The following RFTN2 variants were observed in gnomAD, a reference collection of about 807,000 sequenced individuals.
RFTN2 encodes raftlin-2.
In RFTN2, 34 loss-of-function variants were observed where a neutral mutation model predicts 52.7. The ratio of observed to expected loss-of-function variants is 0.64; its 90% CI spans 0.49 to 0.86. RFTN2 has a LOEUF of 0.86. Ranked by LOEUF, RFTN2 falls within the 40% of genes least tolerant of loss-of-function variation. The pLI is 0.00. For missense variants in RFTN2, 536 were observed against 600.1 expected (o/e 0.89, Z 1.12); for synonymous variants, 203 against 217.7 (o/e 0.93, Z 0.59).
rs1032182337 is a variant in RFTN2, at chr2:197,571,700, T to C, written c.*308A>G. ...GATATTCAGTCTCCTTACCAGGAAT[T>C]GTAAGAAAGTCTACTTTGTACATTC... On this transcript the variant is annotated 3_prime_UTR_variant, in exon 9 of 9. Coordinates refer to ENST00000295049, the MANE Select transcript of RFTN2 (RefSeq NM_144629.3). 6 of 318,310 alleles carry C rather than the reference T, an allele frequency of 1.9e-5. No homozygotes were observed. In the East Asian group the frequency reaches 4.1e-4, roughly 22 times the overall value. 19.7% of individuals were successfully genotyped at this position (318,310 alleles called of 1,614,324 possible).
Position 197,675,478 on chromosome 2 carries a change from TA to T in RFTN2, c.-21del. The T allele has an allele frequency of 6.6e-7, 1 of 1,515,122 alleles. No homozygotes were observed. Among genetic ancestry groups the T allele is most frequent in the East Asian group, 2.5e-5 (1 of 40,354 alleles). The allele number at this position is 1,515,122 out of a possible 1,614,324, so 93.9% of individuals were successfully genotyped here. ...CCCCATGGCAAAATCTGTAAGGAATTAAATTGCAGGAAAGGGGAGGGAGAGC... is the reference window on the plus strand; with the variant it reads ...CCCCATGGCAAAATCTGTAAGGAATTAATTGCAGGAAAGGGGAGGGAGAGC... On this transcript the variant is annotated 5_prime_UTR_variant, in exon 1 of 9. Transcript: ENST00000295049.
chr2:197,617,968 G>T (rs751540160), intron 5 of RFTN2, 47 bp from the exon 6 acceptor site: 37 of 1,442,708 alleles, frequency 2.6e-5, no homozygotes, highest in Non-Finnish European at 3.3e-5. Flanking sequence ...ATACTAAGTG[G>T]CTCATAAAAC....
chr2:197,584,153 G>C (rs980594293), intron 8 of RFTN2, among the ~76,000 whole-genome samples: 1 of 152,168 alleles, frequency 6.6e-6, no homozygotes, highest in African/African-American at 2.4e-5. Flanking sequence ...GTAATGGGAT[G>C]GCTGGGTCAA....
Position 197,675,414 on chromosome 2 carries a change from G to A in RFTN2, c.45C>T (p.Ser15=). Residue 15 remains serine, a synonymous_variant, in exon 1 of 9, where the codon AGC becomes AGT. Transcript: ENST00000295049. ...TCAGGGTAGAAAATATTTTTCCAGG[G>A]CTGCTATCATCAGGGTCTTCTAGCT... ...LRKLEDPDDS[S]PGKIFSTLKR... The A allele has an allele frequency of 6.2e-7, 1 of 1,602,518 alleles. No homozygotes were observed. The highest frequency in any genetic ancestry group is 1.1e-5 in the South Asian group (1 of 89,478).
chr2:197,666,621 A>G (rs969708869), intron 1 of RFTN2, among the ~76,000 whole-genome samples: 7 of 152,184 alleles, frequency 4.6e-5, no homozygotes, highest in Non-Finnish European at 8.8e-5. Flanking sequence ...TCTGGAGAAG[A>G]TCTTTTTGCA....
At chr2:197,613,539 T>G (rs889899511) in intron 7 of RFTN2, among the ~76,000 whole-genome samples, 1 of 152,252 alleles carries the variant, frequency 6.6e-6, no homozygotes, top group Non-Finnish European at 1.5e-5. Context: ...CAAGGTCAAC[T>G]GTATATAACA....
chr2:197,573,840 G>A (rs750468662), intron 8 of RFTN2, among the ~76,000 whole-genome samples: 150 of 152,360 alleles, frequency 9.8e-4, no homozygotes, highest in Non-Finnish European at 2.0e-3. Flanking sequence ...TGGGGCCAAC[G>A]TAGAGCTCAG....
intron 8 of RFTN2, among the ~76,000 whole-genome samples, chr2:197,590,526 G>A (rs1352275454): frequency 6.6e-6 from 1 of 152,190 alleles, no homozygotes; most frequent in Non-Finnish European, 1.5e-5. Flanking sequence ...GGCATGAAAT[G>A]GATTTGTTGA....
intron 8 of RFTN2, among the ~76,000 whole-genome samples, chr2:197,589,134 A>G (rs889610474): frequency 2.1e-5 from 3 of 142,122 alleles, no homozygotes; most frequent in African/African-American, 7.6e-5. Context: ...GGCAGGCAGA[A>G]TTGCTTGAAC....
intron 8 of RFTN2, among the ~76,000 whole-genome samples, chr2:197,581,196 A>T (rs1465922510): frequency 6.6e-6 from 1 of 152,004 alleles, no homozygotes. Context: ...TCTCCTTACA[A>T]TTCCCCCATT....
chr2:197,651,544 G>A (rs189750547), intron 1 of RFTN2, among the ~76,000 whole-genome samples: 65 of 152,218 alleles, frequency 4.3e-4, no homozygotes, highest in Admixed American at 6.5e-4. Flanking sequence ...GCTTGAACCC[G>A]GAAGGCGGAG....
At position 197,662,743 on chromosome 2, in the gene RFTN2, T is replaced by G. The variant is rs557263899; in HGVS notation, c.139+12577A>C. 4.5e-4 allele frequency among the ~76,000 whole-genome samples: 68 copies of G among 152,318 alleles called. 2 individuals are homozygous for G. In the South Asian group the frequency reaches 0.01, roughly 23 times the overall value. ...CCAATCCATGAGCATGAGATGTCTT[T>G]TCTTTTGTTTGGTGTCCTCTTCCAT... On this transcript the variant is annotated intron_variant, in intron 1 of 8. Transcript: ENST00000295049.
intron 3 of RFTN2, among the ~76,000 whole-genome samples, chr2:197,639,277 A>G (rs2106243236): frequency 7.3e-6 from 1 of 136,550 alleles, no homozygotes; most frequent in Non-Finnish European, 1.6e-5. Context: ...CTGAATCTGA[A>G]CGTTGGCCTG....
intron 7 of RFTN2, among the ~76,000 whole-genome samples, chr2:197,611,083 TTG>T (rs1220516348): frequency 1.3e-5 from 2 of 152,218 alleles, no homozygotes; most frequent in African/African-American, 4.8e-5. Flanking sequence ...TCTTTTTTTG[TTG>T]TGTCTCTGCC....
At chr2:197,651,011 T>C (rs1319690808) in intron 1 of RFTN2, among the ~76,000 whole-genome samples, 5 of 152,222 alleles carry the variant, frequency 3.3e-5, no homozygotes, top group Admixed American at 3.3e-4. Flanking sequence ...GTGGTTTTGA[T>C]TTGTATTCCC....
intron 1 of RFTN2, among the ~76,000 whole-genome samples, chr2:197,672,012 A>T (rs749500627): frequency 1.5e-4 from 23 of 152,202 alleles, no homozygotes; most frequent in Non-Finnish European, 2.5e-4. Context: ...TCTCATAAAC[A>T]CATATAAATG....
At chr2:197,670,534 A>G (rs1406973999) in intron 1 of RFTN2, among the ~76,000 whole-genome samples, 1 of 152,076 alleles carries the variant, frequency 6.6e-6, no homozygotes, top group Non-Finnish European at 1.5e-5. Context: ...AAAATAAGCC[A>G]GGCATGGTGG....
chr2:197,644,864 G>C (rs546560561), intron 2 of RFTN2, among the ~76,000 whole-genome samples: 38 of 152,312 alleles, frequency 2.5e-4, no homozygotes, highest in African/African-American at 8.7e-4. Context: ...GCTGAAGCCT[G>C]TACACACCCT....
chr2:197,632,501 A>G (rs148597210), intron 4 of RFTN2, among the ~76,000 whole-genome samples: 345 of 152,294 alleles, frequency 2.3e-3, no homozygotes, highest in Non-Finnish European at 3.6e-3. Flanking sequence ...TCAGTTTCCT[A>G]AGGCCTCTCC....
Sources: allele counts gnomAD v4.1 joint callset (sites outside exome capture counted in the v4.1 genomes callset), GRCh38; gene constraint gnomAD v4.1.1; transcripts MANE v1.5; gene names NCBI Gene and HGNC (gene_info 2026-07-23, HGNC 2026-07-21).